The following PTPRN variants were observed in gnomAD, a reference collection of about 807,000 sequenced individuals.
The protein encoded by PTPRN is receptor-type tyrosine-protein phosphatase-like N.
PTPRN carries 70 observed loss-of-function variants against 108.5 expected under a neutral mutation model. The ratio of observed to expected loss-of-function variants is 0.65; its 90% CI spans 0.53 to 0.79. The LOEUF (loss-of-function observed/expected upper bound fraction) is 0.79. Among genes scored for constraint, PTPRN ranks in the 30% least tolerant of loss-of-function variants. PTPRN has a pLI of 0.00. For synonymous variants in PTPRN, 496 were observed against 524.6 expected, an observed-to-expected ratio of 0.95 and a Z score of 0.75; for missense variants, 1,136 against 1,295.5, an observed-to-expected ratio of 0.88 and a Z score of 1.89.
chr2:219,296,430 A>G lies in PTPRN; in HGVS notation c.2388+9T>C. ...GGACCCCAGCGAAGCCCTCCCTTTAAGAGCCCACCTGCCAGAAGTCTGCGA... is the reference window on the plus strand; with the variant it reads ...GGACCCCAGCGAAGCCCTCCCTTTAGGAGCCCACCTGCCAGAAGTCTGCGA... On this transcript the variant is annotated intron_variant, in intron 17 of 22. Transcript: ENST00000295718. The surrounding 1 kb of genome is among the most constrained non-coding windows in gnomAD (Gnocchi z 6.0). The G allele has an allele frequency of 6.2e-7, 1 of 1,614,148 alleles. No individual in the cohort carries two copies. The highest frequency in any genetic ancestry group is 8.5e-7 in the Non-Finnish European group (1 of 1,180,008).
At chr2:219,293,508 A>C (rs1368006085) in intron 19 of PTPRN, among the ~76,000 whole-genome samples, 1 of 152,170 alleles carries the variant, frequency 6.6e-6, no homozygotes, top group Non-Finnish European at 1.5e-5. Context: ...GCAACAGTTT[A>C]TTTGTTCTGG....
chr2:219,302,105 C>T, intron 6 of PTPRN, 32 bp downstream of exon 6: 1 of 1,528,272 alleles, frequency 6.5e-7, no homozygotes, highest in Non-Finnish European at 8.8e-7. Context: ...AAGCAGCCCT[C>T]ACAGGGAGGT....
chr2:219,293,739 C>A (rs1368451216), intron 19 of PTPRN, among the ~76,000 whole-genome samples: 1 of 151,668 alleles, frequency 6.6e-6, no homozygotes, highest in Admixed American at 6.5e-5. Flanking sequence ...AGAAACTATA[C>A]CCATGTCCCC....
At chr2:219,307,351 G>A in intron 3 of PTPRN, 93 bp downstream of exon 3, 1 of 1,057,880 alleles carries the variant, frequency 9.5e-7, no homozygotes, top group East Asian at 2.4e-5. Context: ...CCAGCAGTGG[G>A]GGTGATAGGA....
rs1158827080 is a variant in PTPRN at position 219,297,583 on chromosome 2, C to A, written c.1888-150G>T. ...GTATGGTCTTCTGCCTGGCCCTGATCCTTTCCAGGGCTGTTTTGCTTGGGT... is the reference window on the plus strand; with the variant it reads ...GTATGGTCTTCTGCCTGGCCCTGATACTTTCCAGGGCTGTTTTGCTTGGGT... On this transcript the variant is annotated intron_variant, in intron 13 of 22. Coordinates refer to ENST00000295718, the MANE Select transcript of PTPRN (RefSeq NM_002846.4). The surrounding 1 kb of genome is among the most constrained non-coding windows in gnomAD (Gnocchi z 6.0). The A allele has an allele frequency of 1.2e-6, 1 of 835,888 alleles. No individual in the cohort carries two copies. The highest frequency in any genetic ancestry group is 2.7e-5 in the East Asian group (1 of 37,552). The allele number at this position is 835,888 out of a possible 1,614,324, so 51.8% of individuals were successfully genotyped here. A position where few individuals can be genotyped will look rare whatever the true frequency, so the allele number is the denominator to read the frequency against.
rs1180201758 is a variant in PTPRN at position 219,303,742 on chromosome 2, T to G, written c.370A>C (p.Arg124=). ...TAGAGAAAGGCTGCCTACCTGTCCC[T>G]TGGACGGGGCTCTGGGGGGCGAAGC... ...PRLRPPEPRP[R]DRSGLAPKRP... Residue 124 remains arginine, a synonymous_variant, in exon 4 of 23, where the codon AGG becomes CGG. Transcript: ENST00000295718. 3.1e-6 allele frequency: 5 copies of G among 1,613,510 alleles called. No individual in the cohort carries two copies. The highest frequency in any genetic ancestry group is 3.4e-6 in the Non-Finnish European group (4 of 1,179,568).
At chr2:219,295,933 C>T in intron 18 of PTPRN, 1 of 316,126 alleles carries the variant, frequency 3.2e-6, no homozygotes, top group African/African-American at 2.2e-5. Context: ...ATCTCTGTGC[C>T]TTTATCATAA....
intron 10 of PTPRN, 23 bp downstream of exon 10, chr2:219,299,677 C>A: frequency 6.4e-7 from 1 of 1,574,386 alleles, no homozygotes; most frequent in Non-Finnish European, 8.7e-7. Flanking sequence ...TCGGCCACTG[C>A]CCTAGCAAGA....
At chr2:219,298,192 GT>G in intron 12 of PTPRN, 89 bp from the exon 13 acceptor site, 1 of 1,296,702 alleles carries the variant, frequency 7.7e-7, no homozygotes, top group Non-Finnish European at 1.1e-6. Context: ...CACACCCCCT[GT>G]TAGGACATCT....
chr2:219,299,873 A>G, intron 9 of PTPRN, 87 bp from the exon 10 acceptor site: 1 of 1,560,684 alleles, frequency 6.4e-7, no homozygotes, highest in Non-Finnish European at 8.7e-7. Flanking sequence ...GGTACAGAGC[A>G]GCCTGCCAAT....
In PTPRN at chr2:219,296,760, C is replaced by T. The variant is rs777571269; in HGVS notation, c.2299G>A (p.Ala767Thr). The T allele has an allele frequency of 5.0e-6, 8 of 1,613,744 alleles. No homozygotes were observed. The highest frequency in any genetic ancestry group is 4.5e-5 in the East Asian group (2 of 44,872). ...TCAGGGCCACTCACAATGGGGCTGGCGTTGATGTAATCGCTCCGAGAAGGG... is the reference window on the plus strand; with the variant it reads ...TCAGGGCCACTCACAATGGGGCTGGTGTTGATGTAATCGCTCCGAGAAGGG... ...SSPSRSDYIN[A>T]SPIIEHDPRM... Residue 767 changes from alanine to threonine, a missense_variant, in exon 16 of 23, where the codon GCC becomes ACC. Physicochemically the swap from Ala to Thr is moderately conservative, Grantham distance 58 (BLOSUM62 0). Transcript: ENST00000295718. This position sits in a 1 kb window ranked among gnomAD's most constrained non-coding sequence, Gnocchi z 6.0.
chr2:219,300,225 G>C lies in PTPRN; in HGVS notation c.1196C>G (p.Ala399Gly), dbSNP rs754034160. The stretch of plus-strand genomic sequence containing the variant: ...GGGGGATGTGCGGGCTGGAAGCTCT[G>C]CTGTGTCTCTGCCCTCCACCGGCCC... The part of the protein sequence containing the change: ...MEGPVEGRDT[A>G]ELPARTSPMP... Residue 399 changes from alanine (A) to glycine (G), a missense_variant, in exon 9 of 23, where the codon GCA becomes GGA. Physicochemically the swap from Ala to Gly is moderately conservative, Grantham distance 60. Transcript: ENST00000295718. 6.3e-7 allele frequency: 1 copy of C among 1,593,892 alleles called. No individual in the cohort carries two copies. Among genetic ancestry groups the C allele is most frequent in the South Asian group, 1.1e-5 (1 of 87,780 alleles).
In PTPRN at chr2:219,297,821, G is replaced by C; in HGVS notation, c.1887+64C>G. ...CATTCAGTTCCGACCCTTAGTCCAC[G>C]CAAGACCCAGACTCCCAGGCCCCTT... On this transcript the variant is annotated intron_variant, in intron 13 of 22. Transcript: ENST00000295718. This position sits in a 1 kb window ranked among gnomAD's most constrained non-coding sequence, Gnocchi z 6.0. The C allele has an allele frequency of 6.6e-7, 1 of 1,512,498 alleles. No individual in the cohort carries two copies. Among genetic ancestry groups the C allele is most frequent in the Non-Finnish European group, 8.9e-7 (1 of 1,121,430 alleles). 93.7% of individuals were successfully genotyped at this position (1,512,498 alleles called of 1,614,324 possible).
At chr2:219,307,292 T>A in intron 3 of PTPRN, 152 bp downstream of exon 3, 1 of 640,222 alleles carries the variant, frequency 1.6e-6, no homozygotes. Flanking sequence ...GAATAGCCCA[T>A]CTCTAGGGTT....
Position 219,307,799 on chromosome 2 carries a change from A to G in PTPRN, c.159T>C (p.Cys53=). The G allele has an allele frequency of 6.2e-7, 1 of 1,614,054 alleles. No individual in the cohort carries two copies. The highest frequency in any genetic ancestry group is 8.5e-7 in the Non-Finnish European group (1 of 1,179,988). ...TGCTTGGGCCTCACTCACCCTGAAT[A>G]CAGACTTCCAGGTGAGAGCAGAGCC... is the stretch of plus-strand genomic sequence containing the variant. The part of the protein sequence containing the change: ...DRRLCSHLEV[C]IQDGLFGQCQ... The change falls in exon 2 of 23, where the codon TGT becomes TGC. Residue 53 remains cysteine (C), a synonymous_variant. Coordinates refer to ENST00000295718, the MANE Select transcript of PTPRN (RefSeq NM_002846.4).
chr2:219,303,968 G>A, intron 3 of PTPRN, 137 bp from the exon 4 acceptor site: 1 of 592,050 alleles, frequency 1.7e-6, no homozygotes, highest in Non-Finnish European at 2.8e-6. Context: ...CTCAGTGGGT[G>A]ATCTGAGCTG....
rs753951440 is a variant in PTPRN at position 219,296,723 on chromosome 2, TG to T, written c.2310+25del. ...GGCCAGGATAATGATGGGGCAGAGG[TG>T]GGGGCTGGAGTCAGGGCCACTCACA... On this transcript the variant is annotated intron_variant, in intron 16 of 22. Transcript: ENST00000295718. The surrounding 1 kb of genome is among the most constrained non-coding windows in gnomAD (Gnocchi z 6.0). 3.1e-6 allele frequency: 5 copies of T among 1,610,986 alleles called. No individual in the cohort carries two copies. The highest frequency in any genetic ancestry group is 4.2e-6 in the Non-Finnish European group (5 of 1,178,696).
In PTPRN at chr2:219,291,662, G is replaced by A. The variant is rs578162768; in HGVS notation, c.2676-139C>T. 4.1e-5 allele frequency: 37 copies of A among 897,808 alleles called. No homozygotes were observed. In the African/African-American group the frequency reaches 6.2e-4, roughly 15 times the overall value. 55.6% of individuals were successfully genotyped at this position (897,808 alleles called of 1,614,324 possible). A position where few individuals can be genotyped will look rare whatever the true frequency, so the allele number is the denominator to read the frequency against. Reference sequence around the variant, plus strand: ...AGAGAGGGAAGATGGTTGGAGAAAGGAGCCAGGGCTGGAGGCAAAGAACCA... The same window carrying A: ...AGAGAGGGAAGATGGTTGGAGAAAGAAGCCAGGGCTGGAGGCAAAGAACCA... On this transcript the variant is annotated intron_variant, in intron 19 of 22. Transcript: ENST00000295718.
intron 19 of PTPRN, chr2:219,294,154 T>A (rs1952116124): frequency 1.9e-6 from 1 of 528,796 alleles, no homozygotes; most frequent in East Asian, 5.5e-5. Flanking sequence ...GCAACTGGAG[T>A]GAGAATACTA....
Sources: allele counts gnomAD v4.1 joint callset (sites outside exome capture counted in the v4.1 genomes callset), GRCh38; gene constraint gnomAD v4.1.1; non-coding constraint Gnocchi (gnomAD v3.1); transcripts MANE v1.5; gene names NCBI Gene and HGNC (gene_info 2026-07-23, HGNC 2026-07-21).